LAMC1: variants seen among roughly 807,000 people sequenced by gnomAD.
LAMC1 encodes the protein laminin subunit gamma 1, also known as laminin subunit gamma-1.
Under a neutral mutation model 173.6 loss-of-function variants are expected in LAMC1, and 38 were observed. That is an observed-to-expected ratio of 0.22 (90% confidence interval 0.17 to 0.29). The LOEUF is 0.29. Among genes scored for constraint, LAMC1 ranks in the 10% least tolerant of loss-of-function variants. The pLI, the probability that LAMC1 is intolerant of heterozygous loss-of-function variation, is 1.00. For synonymous variants in LAMC1, 746 were observed against 749.1 expected (o/e 1.00, Z 0.07); for missense variants, 1,824 against 2,051.8 (o/e 0.89, Z 2.14).
chr1:183,034,010 T>C (rs146402269), intron 1 of LAMC1, among the ~76,000 whole-genome samples: 27 of 152,240 alleles, frequency 1.8e-4, no homozygotes, highest in African/African-American at 6.0e-4. Flanking sequence ...GAGAAACTTA[T>C]AAAGCTATGA....
intron 1 of LAMC1, among the ~76,000 whole-genome samples, chr1:183,101,281 T>G (rs1655827980): frequency 6.6e-6 from 1 of 151,784 alleles, no homozygotes; most frequent in South Asian, 2.1e-4. Context: ...AGATAGTGAG[T>G]CTCTGGAATG....
rs1471270400 is a variant in LAMC1, at chr1:183,136,435, A to G, written c.4164A>G (p.Leu1388=). The change falls in exon 25 of 28, where the codon CTA becomes CTG. Residue 1388 remains leucine, a synonymous_variant. Transcript: ENST00000258341. ...NDNKTAAEEA[L]RKIPAINQTI... ...ACAAGACGGCCGCAGAGGAGGCACTAAGGAAGATTCCTGCCATCAACCAGA... is the reference window on the plus strand; with the variant it reads ...ACAAGACGGCCGCAGAGGAGGCACTGAGGAAGATTCCTGCCATCAACCAGA... The G allele has an allele frequency of 6.2e-7, 1 of 1,614,210 alleles. No homozygotes were observed. The highest frequency in any genetic ancestry group is 8.5e-7 in the Non-Finnish European group (1 of 1,180,034).
chr1:183,066,885 C>T (rs1400411023), intron 1 of LAMC1, among the ~76,000 whole-genome samples: 2 of 152,094 alleles, frequency 1.3e-5, no homozygotes, highest in East Asian at 3.9e-4. Flanking sequence ...ATGGGTGCAG[C>T]AAACCACCAT....
At chr1:183,131,517 T>G (rs1656791753) in intron 20 of LAMC1, 139 bp downstream of exon 20, 2 of 583,758 alleles carry the variant, frequency 3.4e-6, no homozygotes. Context: ...TTGCACACTT[T>G]GCTCTCTTTT....
Position 183,080,443 on chromosome 1 carries a change from TG to T in LAMC1, c.419-22881del, listed in dbSNP as rs1156625300. On this transcript the variant is annotated intron_variant, in intron 1 of 27. Transcript: ENST00000258341. Reference sequence around the variant, plus strand: ...AGCTGCAGCTTCTGAAGTGGCAGGATGGGGTGGGGCAGGGTGAGGTAGTGGG... The same window carrying T: ...AGCTGCAGCTTCTGAAGTGGCAGGATGGGTGGGGCAGGGTGAGGTAGTGGG... 5.3e-5 allele frequency among the ~76,000 whole-genome samples: 8 copies of T among 152,064 alleles called. No individual in the cohort carries two copies. In the South Asian group the frequency reaches 1.5e-3, roughly 28 times the overall value.
chr1:183,138,355 A>G (rs1205016318), intron 26 of LAMC1: 1 of 217,114 alleles, frequency 4.6e-6, no homozygotes. Context: ...TTGTCAATGG[A>G]TGGCCCAAGG....
At chr1:183,091,653 C>G (rs1166147477) in intron 1 of LAMC1, among the ~76,000 whole-genome samples, 2 of 152,136 alleles carry the variant, frequency 1.3e-5, no homozygotes, top group African/African-American at 4.8e-5. Flanking sequence ...ATGTAACACC[C>G]TCCCTGAAAA....
intron 1 of LAMC1, among the ~76,000 whole-genome samples, chr1:183,028,809 G>A (rs947242343): frequency 2.6e-5 from 4 of 152,114 alleles, no homozygotes; most frequent in Non-Finnish European, 4.4e-5. Context: ...GGATGAACTC[G>A]TGTTTGTCTC....
At chr1:183,059,574 C>T (rs902834988) in intron 1 of LAMC1, among the ~76,000 whole-genome samples, 1 of 152,170 alleles carries the variant, frequency 6.6e-6, no homozygotes, top group Non-Finnish European at 1.5e-5. Flanking sequence ...TGGAAATGAT[C>T]TGAGTGGCCA....
At chr1:183,111,833 G>A (rs143275788) in intron 4 of LAMC1, among the ~76,000 whole-genome samples, 561 of 152,160 alleles carry the variant, frequency 3.7e-3, no homozygotes, top group African/African-American at 0.013. Context: ...TCAGGAGTTC[G>A]AGACCAGCCT....
chr1:183,061,247 A>G (rs1014100655), intron 1 of LAMC1, among the ~76,000 whole-genome samples: 4 of 152,154 alleles, frequency 2.6e-5, no homozygotes, highest in African/African-American at 9.7e-5. Context: ...AGTCCTTTCC[A>G]TTTTAGTCTT....
At chr1:183,095,655 G>A (rs933073824) in intron 1 of LAMC1, among the ~76,000 whole-genome samples, 2 of 152,098 alleles carry the variant, frequency 1.3e-5, no homozygotes, top group African/African-American at 4.8e-5. Flanking sequence ...CACGAGTGGG[G>A]GTGAATATTG....
chr1:183,144,221 G>C lies in LAMC1; in HGVS notation c.*1431G>C, dbSNP rs1475334740. 1 of 152,568 alleles carries C rather than the reference G, an allele frequency of 6.6e-6. No homozygotes were observed. The highest frequency in any genetic ancestry group is 2.4e-5 in the African/African-American group (1 of 41,414). 9.5% of individuals were successfully genotyped at this position (152,568 alleles called of 1,614,324 possible). A position where few individuals can be genotyped will look rare whatever the true frequency, so the allele number is the denominator to read the frequency against. ...TTTGTACTTTGCGTAGCAGGGGCGG[G>C]GTGGGGGGAAAGAAACTATTATCTG... is the stretch of plus-strand genomic sequence containing the variant. On this transcript the variant is annotated 3_prime_UTR_variant, in exon 28 of 28. Transcript: ENST00000258341.
intron 23 of LAMC1, 91 bp from the exon 24 acceptor site, chr1:183,134,951 C>A: frequency 7.4e-7 from 1 of 1,345,758 alleles, no homozygotes; most frequent in Non-Finnish European, 1.1e-6. Flanking sequence ...TGGCAAGTCT[C>A]AGGGTGGCAC....
At position 183,112,199 on chromosome 1, in the gene LAMC1, C is replaced by T. The variant is rs1048728784; in HGVS notation, c.1021+1545C>T. ...AAGTAAAATTTACAGCCTCCTCTAA[C>T]ATTTGTAAGCACTTGCTTGACCTTC... On this transcript the variant is annotated intron_variant, in intron 4 of 27. Transcript: ENST00000258341. Among the ~76,000 whole-genome samples the T allele has an allele frequency of 2.0e-4, 31 of 152,212 alleles. 1 individual carries two copies. The highest frequency in any genetic ancestry group is 2.0e-3 in the Admixed American group (31 of 15,276).
At position 183,049,825 on chromosome 1, in the gene LAMC1, C is replaced by CA. The variant is rs11320106; in HGVS notation, c.418+25703dup. 4.2e-3 allele frequency among the ~76,000 whole-genome samples: 624 copies of CA among 147,396 alleles called. 4 individuals are homozygous for CA. The highest frequency in any genetic ancestry group is 0.01 in the African/African-American group (415 of 39,982). The stretch of plus-strand genomic sequence containing the variant: ...CTCTCCCATTCTCACCAAACTAAAA[C>CA]AAAAAAAAAAAATCATTCTGGATTT... On this transcript the variant is annotated intron_variant, in intron 1 of 27. Coordinates refer to ENST00000258341, the MANE Select transcript of LAMC1 (RefSeq NM_002293.4).
chr1:183,134,761 G>A lies in LAMC1; in HGVS notation c.3951G>A (p.Lys1317=), dbSNP rs1168670438. 6.3e-7 allele frequency: 1 copy of A among 1,594,534 alleles called. No individual in the cohort carries two copies. The highest frequency in any genetic ancestry group is 2.2e-5 in the East Asian group (1 of 44,792). ...ACCTCAGAGAAGATATGAGAGGGAA[G>A]GAACTTGAAGTCAAGAACCTTCTGG... ...YEDLREDMRG[K]ELEVKNLLEK... Residue 1317 remains lysine, a synonymous_variant, in exon 23 of 28, where the codon AAG becomes AAA. Coordinates refer to ENST00000258341, the MANE Select transcript of LAMC1 (RefSeq NM_002293.4).
At chr1:183,024,175 C>G in intron 1 of LAMC1, 41 bp downstream of exon 1, 1 of 1,495,600 alleles carries the variant, frequency 6.7e-7, no homozygotes, top group Non-Finnish European at 9.0e-7. Context: ...TGCTCGCCAG[C>G]AGCCCAGCTC....
intron 1 of LAMC1, among the ~76,000 whole-genome samples, chr1:183,068,580 C>G (rs1254233036): frequency 2.6e-5 from 4 of 152,152 alleles, no homozygotes; most frequent in Non-Finnish European, 5.9e-5. Flanking sequence ...TTGCAGGTCT[C>G]TAATTGCATA....
Sources: gnomAD v4.1 joint callset for allele counts (sites outside exome capture counted in the v4.1 genomes callset) on GRCh38, gnomAD v4.1.1 for gene constraint, MANE v1.5 for transcripts, NCBI Gene and HGNC (gene_info 2026-07-23, HGNC 2026-07-21) for gene names.